Variants in ANKS1B observed in about 807,000 individuals in gnomAD.
ANKS1B encodes the protein ankyrin repeat and sterile alpha motif domain-containing protein 1B.
Under a neutral mutation model 148.3 loss-of-function variants are expected in ANKS1B, and 36 were observed. The ratio of observed to expected loss-of-function variants is 0.24; its 90% CI spans 0.19 to 0.32. ANKS1B has a LOEUF of 0.32. ANKS1B is among the 10% of genes least tolerant of loss of function. The pLI, the probability that ANKS1B is intolerant of heterozygous loss-of-function variation, is 1.00. For synonymous variants in ANKS1B, 542 were observed against 560.8 expected (o/e 0.97, Z 0.47); for missense variants, 1,157 against 1,542.6 (o/e 0.75, Z 4.19).
intron 1 of ANKS1B, among the ~76,000 whole-genome samples, chr12:99,892,281 G>T (rs2093155433): frequency 6.6e-6 from 1 of 152,100 alleles, no homozygotes; most frequent in Admixed American, 6.5e-5. Flanking sequence ...AGGATTACAG[G>T]CATGAGCCAC....
intron 17 of ANKS1B, among the ~76,000 whole-genome samples, chr12:98,955,090 T>C (rs1196467217): frequency 1.3e-5 from 2 of 152,148 alleles, no homozygotes; most frequent in Non-Finnish European, 2.9e-5. Flanking sequence ...TGAATGTCCT[T>C]CTCTTTATGG....
intron 15 of ANKS1B, among the ~76,000 whole-genome samples, chr12:99,117,216 C>A (rs928715773): frequency 6.6e-6 from 1 of 152,182 alleles, no homozygotes; most frequent in South Asian, 2.1e-4. Flanking sequence ...ATTGCCCTGG[C>A]CAGAACTTCC....
At chr12:99,478,622 T>C (rs1362304805) in intron 10 of ANKS1B, among the ~76,000 whole-genome samples, 1 of 152,050 alleles carries the variant, frequency 6.6e-6, no homozygotes, top group East Asian at 1.9e-4. Flanking sequence ...ATTTGTGTAG[T>C]GAGTGAGAAA....
At position 98,989,887 on chromosome 12, in the gene ANKS1B, C is replaced by T. The variant is rs189963513; in HGVS notation, c.2778+63270G>A. ...CAGCCTAGGTGACAAAACAAGACCC[C>T]ATCTCTTAAGAAAGGAAGAAGGAAA... On this transcript the variant is annotated intron_variant, in intron 17 of 26. Transcript: ENST00000683438. Among the ~76,000 whole-genome samples the T allele has an allele frequency of 2.1e-4, 31 of 148,436 alleles. No individual in the cohort carries two copies. In the East Asian group the frequency reaches 4.4e-3, roughly 21 times the overall value.
intron 1 of ANKS1B, among the ~76,000 whole-genome samples, chr12:99,874,020 C>CATATATATATATATATATATATATAT (rs1268516402): frequency 7.2e-6 from 1 of 139,522 alleles, no homozygotes; most frequent in African/African-American, 3.4e-5. Context: ...CTCTCTCTCT[C>CATATATATATATATATATATATATAT]ACATATATAT....
intron 1 of ANKS1B, among the ~76,000 whole-genome samples, chr12:99,919,241 T>G (rs1464589846): frequency 6.6e-6 from 1 of 152,164 alleles, no homozygotes; most frequent in Non-Finnish European, 1.5e-5. Flanking sequence ...GCAACTTACC[T>G]GCTATGTGGC....
chr12:99,225,213 G>A (rs1395375074), intron 14 of ANKS1B, among the ~76,000 whole-genome samples: 1 of 151,994 alleles, frequency 6.6e-6, no homozygotes, highest in East Asian at 1.9e-4. Flanking sequence ...TTTATAAAAT[G>A]ACCCATGGGG....
intron 12 of ANKS1B, among the ~76,000 whole-genome samples, chr12:99,252,202 G>C (rs2074693047): frequency 6.6e-6 from 1 of 152,196 alleles, no homozygotes; most frequent in Non-Finnish European, 1.5e-5. Flanking sequence ...AAGAAGATAT[G>C]AAAAGTCCCT....
At chr12:99,509,525 A>G (rs2153023549) in intron 9 of ANKS1B, among the ~76,000 whole-genome samples, 1 of 152,084 alleles carries the variant, frequency 6.6e-6, no homozygotes, top group South Asian at 2.1e-4. Context: ...CACAAGCCAA[A>G]TCCTAATCCA....
intron 9 of ANKS1B, among the ~76,000 whole-genome samples, chr12:99,522,484 T>A (rs1248754259): frequency 1.3e-5 from 2 of 152,196 alleles, no homozygotes; most frequent in African/African-American, 4.8e-5. Context: ...AAAATAAATA[T>A]TGGCAATAAG....
At chr12:99,729,402 T>C (rs1753680008) in intron 8 of ANKS1B, among the ~76,000 whole-genome samples, 1 of 152,182 alleles carries the variant, frequency 6.6e-6, no homozygotes, top group African/African-American at 2.4e-5. Context: ...ATTTTTTTTC[T>C]TCTGGCAATT....
At chr12:99,442,457 C>T (rs1156993651) in intron 11 of ANKS1B, among the ~76,000 whole-genome samples, 1 of 151,788 alleles carries the variant, frequency 6.6e-6, no homozygotes, top group Non-Finnish European at 1.5e-5. Flanking sequence ...ATTATACAAC[C>T]TCATGAGGAT....
At chr12:99,839,013 A>T (rs2085282925) in intron 1 of ANKS1B, among the ~76,000 whole-genome samples, 1 of 152,126 alleles carries the variant, frequency 6.6e-6, no homozygotes, top group Non-Finnish European at 1.5e-5. Context: ...TTAATAGCTA[A>T]AAATAGATCT....
intron 4 of ANKS1B, among the ~76,000 whole-genome samples, chr12:99,784,958 CG>C (rs2064841732): frequency 6.6e-6 from 1 of 152,068 alleles, no homozygotes; most frequent in Admixed American, 6.6e-5. Context: ...GTAAGTTCAG[CG>C]GAAATGTAGG....
At chr12:99,298,414 T>G (rs565039582) in intron 12 of ANKS1B, among the ~76,000 whole-genome samples, 1 of 152,302 alleles carries the variant, frequency 6.6e-6, no homozygotes, top group Non-Finnish European at 1.5e-5. Context: ...TGTCCTCTTG[T>G]CTGCCACCAT....
intron 4 of ANKS1B, among the ~76,000 whole-genome samples, chr12:99,795,646 A>G (rs574190646): frequency 9.9e-5 from 15 of 152,136 alleles, no homozygotes; most frequent in Non-Finnish European, 2.9e-5. Flanking sequence ...GGCTTCACAG[A>G]TACTTTGATA....
intron 17 of ANKS1B, among the ~76,000 whole-genome samples, chr12:98,872,720 G>GTGCTGATACCTTGATCAGCTGACACCT (rs2099674852): frequency 6.6e-6 from 1 of 152,058 alleles, no homozygotes; most frequent in Admixed American, 6.6e-5. Context: ...AGAGACAACC[G>GTGCTGATACCTTGATCAGCTGACACCT]TGCTGATACC....
At chr12:99,694,363 C>T (rs909452407) in intron 8 of ANKS1B, among the ~76,000 whole-genome samples, 3 of 151,112 alleles carry the variant, frequency 2.0e-5, no homozygotes, top group Non-Finnish European at 3.0e-5. Flanking sequence ...CGCTTGAACC[C>T]GGGAGGTGGA....
At chr12:98,747,850 A>G (rs554174959) in intron 26 of ANKS1B, among the ~76,000 whole-genome samples, 1 of 152,364 alleles carries the variant, frequency 6.6e-6, no homozygotes, top group South Asian at 2.1e-4. Flanking sequence ...AATAAGCCAG[A>G]CACAGAAAGA....
Sources: gnomAD v4.1 joint callset for allele counts (sites outside exome capture counted in the v4.1 genomes callset) on GRCh38, gnomAD v4.1.1 for gene constraint, MANE v1.5 for transcripts, NCBI Gene and HGNC (gene_info 2026-07-23, HGNC 2026-07-21) for gene names.